STK38: variants seen among roughly 807,000 people sequenced by gnomAD.
STK38 encodes serine/threonine kinase 38, also known as serine/threonine-protein kinase 38.
STK38 carries 26 observed loss-of-function variants against 59.0 expected under a neutral mutation model. The observed-to-expected ratio is 0.44, with a 90% CI of 0.32 to 0.61. The LOEUF (loss-of-function observed/expected upper bound fraction) is 0.61, where lower values mean the gene tolerates loss of function less well. Among genes scored for constraint, STK38 ranks in the 20% least tolerant of loss-of-function variants. The probability of loss-of-function intolerance (pLI) is 0.04; values close to 1 mark genes in which losing one functional copy is unlikely to be tolerated. For synonymous variants in STK38, 175 were observed against 176.6 expected, an observed-to-expected ratio of 0.99 and a Z score of 0.07; for missense variants, 433 against 566.0, an observed-to-expected ratio of 0.76 and a Z score of 2.38.
chr6:36,524,549 C>G (rs1263024159), intron 3 of STK38, 86 bp from the exon 4 acceptor site: 2 of 1,406,886 alleles, frequency 1.4e-6, no homozygotes, highest in African/African-American at 1.4e-5. Flanking sequence ...ACTTACCCAG[C>G]TAGAAAACAG....
rs536306219 is a variant in STK38 at position 36,499,876 on chromosome 6, T to C, written c.949A>G (p.Ile317Val). The change falls in exon 10 of 14, where the codon ATC becomes GTC. Residue 317 changes from isoleucine to valine, a missense_variant. Around this residue, in one of 3 missense-constraint regions of STK38, gnomAD observed 293 missense variants for 388.2 expected, o/e 0.75. Transcript: ENST00000229812. ...SLGVIMYEMLIGYPPFCSETP... is the reference protein window; with the variant it reads ...SLGVIMYEMLVGYPPFCSETP... ...CCTCTGAAACCATGCAACTTACCGA[T>C]GAGCATCTCATACATGATCACCCCA... The C allele has an allele frequency of 3.1e-6, 5 of 1,613,630 alleles. No individual in the cohort carries two copies. In the South Asian group the frequency reaches 4.4e-5, roughly 14 times the overall value.
intron 7 of STK38, among the ~76,000 whole-genome samples, chr6:36,510,398 G>C (rs1055798199): frequency 6.6e-6 from 1 of 152,214 alleles, no homozygotes; most frequent in African/African-American, 2.4e-5. Context: ...TGGACACCAG[G>C]AGCACAGAGA....
At chr6:36,522,063 C>T (rs986731434) in intron 4 of STK38, 1 of 310,088 alleles carries the variant, frequency 3.2e-6, no homozygotes. Context: ...CTTAGTTGAA[C>T]AAGCCAATCT....
chr6:36,524,577 A>T, intron 3 of STK38, 114 bp from the exon 4 acceptor site: 2 of 1,103,006 alleles, frequency 1.8e-6, no homozygotes, highest in African/African-American at 3.2e-5. Context: ...TGGACTAAGG[A>T]TAATCTTTTC....
Position 36,547,436 on chromosome 6 carries a change from G to T in STK38, c.-252C>A, listed in dbSNP as rs1041688588. On this transcript the variant is annotated 5_prime_UTR_variant, in exon 1 of 14. Transcript: ENST00000229812. ...GGCCAAGGCAGCCCGGTCCCCCGCC[G>T]CGGAGACGGGCTGGCGCGGCAGCCC... The T allele has an allele frequency of 7.9e-5, 12 of 152,232 alleles. No individual in the cohort carries two copies. Among genetic ancestry groups the T allele is most frequent in the African/African-American group, 2.9e-4 (12 of 41,440 alleles). 9.4% of individuals were successfully genotyped at this position (152,232 alleles called of 1,614,324 possible).
intron 7 of STK38, among the ~76,000 whole-genome samples, chr6:36,509,622 G>C (rs888429919): frequency 2.0e-5 from 3 of 150,894 alleles, no homozygotes; most frequent in East Asian, 1.9e-4. Flanking sequence ...GTGGGGGTGG[G>C]GGGGTGATGA....
chr6:36,499,201 A>G (rs1776778610), intron 10 of STK38, among the ~76,000 whole-genome samples: 1 of 152,228 alleles, frequency 6.6e-6, no homozygotes, highest in African/African-American at 2.4e-5. Flanking sequence ...AAATAACTTG[A>G]ATAAGAAAAA....
At chr6:36,516,666 G>A (rs1391224470) in intron 6 of STK38, among the ~76,000 whole-genome samples, 1 of 152,180 alleles carries the variant, frequency 6.6e-6, no homozygotes, top group East Asian at 1.9e-4. Context: ...GTGCACTTGG[G>A]CTGCTACCCC....
At chr6:36,507,140 T>A (rs1423046813) in intron 8 of STK38, among the ~76,000 whole-genome samples, 3 of 152,194 alleles carry the variant, frequency 2.0e-5, no homozygotes, top group Non-Finnish European at 4.4e-5. Flanking sequence ...GTGACTGTCA[T>A]AAAGATAAAC....
At chr6:36,530,613 C>T (rs1777642957) in intron 2 of STK38, among the ~76,000 whole-genome samples, 1 of 151,966 alleles carries the variant, frequency 6.6e-6, no homozygotes, top group Non-Finnish European at 1.5e-5. Flanking sequence ...GATCCACCCA[C>T]CTTGGCCTCT....
chr6:36,542,871 G>A (rs1429359273), intron 1 of STK38, among the ~76,000 whole-genome samples: 6 of 151,632 alleles, frequency 4.0e-5, no homozygotes, highest in African/African-American at 9.7e-5. Context: ...GCTTGAACCC[G>A]GGAGGCAGAG....
intron 11 of STK38, 63 bp from the exon 12 acceptor site, chr6:36,497,938 CTTTTTTT>C (rs147832342): frequency 2.2e-4 from 146 of 656,504 alleles, no homozygotes; most frequent in Admixed American, 5.8e-4. Context: ...GAAAAACTTT[CTTTTTTT>C]TTTTTTTTTT....
chr6:36,529,433 G>A (rs1306714540), intron 2 of STK38, among the ~76,000 whole-genome samples: 1 of 152,116 alleles, frequency 6.6e-6, no homozygotes, highest in Non-Finnish European at 1.5e-5. Flanking sequence ...CTCCACACAG[G>A]CATGTTCTCT....
intron 10 of STK38, among the ~76,000 whole-genome samples, chr6:36,499,040 G>GGTA (rs754769788): frequency 6.6e-6 from 1 of 152,050 alleles, no homozygotes; most frequent in Non-Finnish European, 1.5e-5. Context: ...TCATGCCTCT[G>GGTA]GTACCACTAG....
intron 5 of STK38, among the ~76,000 whole-genome samples, chr6:36,518,089 T>C (rs1409125951): frequency 6.6e-6 from 1 of 152,232 alleles, no homozygotes; most frequent in African/African-American, 2.4e-5. Flanking sequence ...ATGGCTTTAA[T>C]GCAAATAGCA....
chr6:36,499,828 T>C, intron 10 of STK38, 45 bp downstream of exon 10: 1 of 1,455,764 alleles, frequency 6.9e-7, no homozygotes, highest in Non-Finnish European at 9.6e-7. Context: ...TGTAAAAGTC[T>C]GTCATGGATG....
intron 2 of STK38, among the ~76,000 whole-genome samples, chr6:36,526,295 T>C (rs1427500637): frequency 1.3e-5 from 2 of 151,880 alleles, no homozygotes; most frequent in Admixed American, 1.3e-4. Context: ...TAAACTCTTA[T>C]ATCATGCTGT....
chr6:36,501,427 T>A (rs1017741654), intron 9 of STK38, among the ~76,000 whole-genome samples: 1 of 152,302 alleles, frequency 6.6e-6, no homozygotes, highest in Non-Finnish European at 1.5e-5. Context: ...ACAGTTGTAT[T>A]GTTTTTAAAA....
chr6:36,540,252 C>T (rs548375694), intron 1 of STK38, 45 bp from the exon 2 acceptor site: 2 of 1,606,206 alleles, frequency 1.2e-6, no homozygotes, highest in South Asian at 1.1e-5. Context: ...GAGTTAGAAT[C>T]CACCCAGTGT....
Sources: allele counts gnomAD v4.1 joint callset (sites outside exome capture counted in the v4.1 genomes callset), GRCh38; gene constraint gnomAD v4.1.1; regional missense constraint gnomAD v4.1.1; transcripts MANE v1.5; gene names NCBI Gene and HGNC (gene_info 2026-07-23, HGNC 2026-07-21).